The following KIF26B variants were observed in gnomAD, a reference collection of about 807,000 sequenced individuals.
The protein encoded by KIF26B is kinesin family member 26B.
In KIF26B, 63 loss-of-function variants were observed where a neutral mutation model predicts 151.2. That is an observed-to-expected ratio of 0.42 (90% CI 0.34 to 0.51). KIF26B has a LOEUF of 0.51. KIF26B is among the 20% of genes least tolerant of loss of function. KIF26B has a pLI of 0.07. For synonymous variants in KIF26B, 1,357 were observed against 1,262.1 expected (o/e 1.08, Z -1.59); for missense variants, 2,813 against 2,913.6 (o/e 0.97, Z 0.79).
intron 4 of KIF26B, among the ~76,000 whole-genome samples, chr1:245,465,647 G>A (rs1213565506): frequency 6.6e-6 from 1 of 152,202 alleles, no homozygotes; most frequent in African/African-American, 2.4e-5. Flanking sequence ...TGGGGTCCTG[G>A]CAGAAAGCGG....
chr1:245,612,278 T>G (rs2043536076), intron 9 of KIF26B, among the ~76,000 whole-genome samples: 1 of 151,970 alleles, frequency 6.6e-6, no homozygotes, highest in African/African-American at 2.4e-5. Flanking sequence ...ACCTAGCTAT[T>G]TATTTGGTTA....
intron 2 of KIF26B, among the ~76,000 whole-genome samples, chr1:245,232,741 G>A (rs2103555821): frequency 6.6e-6 from 1 of 152,154 alleles, no homozygotes; most frequent in South Asian, 2.1e-4. Flanking sequence ...GTAGAGACGG[G>A]GTTTCTCCAT....
chr1:245,578,321 C>T (rs952297190), intron 5 of KIF26B, among the ~76,000 whole-genome samples: 1 of 152,244 alleles, frequency 6.6e-6, no homozygotes, highest in Non-Finnish European at 1.5e-5. Flanking sequence ...GAATGGGACT[C>T]GTTCTCAGCC....
At chr1:245,628,711 C>T (rs547873342) in intron 9 of KIF26B, among the ~76,000 whole-genome samples, 12 of 152,188 alleles carry the variant, frequency 7.9e-5, no homozygotes, top group Admixed American at 2.6e-4. Flanking sequence ...TGCCCTCTCT[C>T]AGCACTCCTA....
At chr1:245,165,841 T>C (rs144513603) in intron 2 of KIF26B, among the ~76,000 whole-genome samples, 1 of 151,826 alleles carries the variant, frequency 6.6e-6, no homozygotes, top group Non-Finnish European at 1.5e-5. Flanking sequence ...AAGGAGGAGG[T>C]CATTGGATGT....
chr1:245,341,593 A>G (rs1044045893), intron 2 of KIF26B, among the ~76,000 whole-genome samples: 1 of 152,158 alleles, frequency 6.6e-6, no homozygotes, highest in African/African-American at 2.4e-5. Flanking sequence ...AAGTGCTGGG[A>G]TTCCAGGAGT....
chr1:245,156,159 A>G, intron 1 of KIF26B, 123 bp from the exon 2 acceptor site: 1 of 1,390,006 alleles, frequency 7.2e-7, no homozygotes, highest in Non-Finnish European at 9.4e-7. Context: ...GGGCTTGGAG[A>G]GGTCCCCAAC....
intron 5 of KIF26B, among the ~76,000 whole-genome samples, chr1:245,580,695 A>G (rs56825387): frequency 0.083 from 12,668 of 152,200 alleles, 627 homozygotes; most frequent in Middle Eastern, 0.15. Context: ...ACGGAGGAAA[A>G]TTGGCTCAGC....
Position 245,156,362 on chromosome 1 carries a change from G to C in KIF26B, c.144G>C (p.Ser48=). 6.5e-7 allele frequency: 1 copy of C among 1,544,570 alleles called. No individual in the cohort carries two copies. The highest frequency in any genetic ancestry group is 8.7e-7 in the Non-Finnish European group (1 of 1,144,832). Residue 48 remains serine, a synonymous_variant, in exon 2 of 15, where the codon TCG becomes TCC. Coordinates refer to ENST00000407071, the MANE Select transcript of KIF26B (RefSeq NM_018012.4). ...ESWYRKAYEE[S]RAGSRPTPEG... ...GGTACCGGAAAGCATACGAGGAGTC[G>C]CGCGCCGGCAGCCGGCCCACTCCTG...
chr1:245,555,122 C>T (rs2103112050), intron 5 of KIF26B, among the ~76,000 whole-genome samples: 1 of 152,240 alleles, frequency 6.6e-6, no homozygotes, highest in African/African-American at 2.4e-5. Context: ...GTTTCCTAGT[C>T]TTCTTTGAGA....
intron 5 of KIF26B, among the ~76,000 whole-genome samples, chr1:245,546,898 T>C (rs562634583): frequency 1.3e-5 from 2 of 152,370 alleles, no homozygotes; most frequent in South Asian, 2.1e-4. Flanking sequence ...GGGGTGGTGG[T>C]TGTTTTCCCT....
chr1:245,546,064 A>G (rs949203922), intron 5 of KIF26B, among the ~76,000 whole-genome samples: 1 of 152,226 alleles, frequency 6.6e-6, no homozygotes, highest in African/African-American at 2.4e-5. Flanking sequence ...GGTAGAAGTC[A>G]TTCAGTTACT....
At chr1:245,349,537 T>G (rs981438101) in intron 2 of KIF26B, among the ~76,000 whole-genome samples, 2 of 149,118 alleles carry the variant, frequency 1.3e-5, no homozygotes, top group Non-Finnish European at 2.9e-5. Context: ...TTAATGTTGA[T>G]TTGTTTAAGA....
chr1:245,369,193 GAGAGACAGAC>G (rs1190411749), intron 3 of KIF26B, among the ~76,000 whole-genome samples: 1 of 145,586 alleles, frequency 6.9e-6, no homozygotes, highest in African/African-American at 2.8e-5. Flanking sequence ...GAGAGAGAGA[GAGAGACAGAC>G]AGACAGACAG....
chr1:245,628,184 G>T (rs1004902710), intron 9 of KIF26B, among the ~76,000 whole-genome samples: 2 of 152,082 alleles, frequency 1.3e-5, no homozygotes, highest in Non-Finnish European at 2.9e-5. Flanking sequence ...ACAAGAAAAA[G>T]GAAACTTGGC....
At chr1:245,449,615 T>C (rs1313391750) in intron 4 of KIF26B, among the ~76,000 whole-genome samples, 9 of 152,186 alleles carry the variant, frequency 5.9e-5, no homozygotes, top group Admixed American at 5.9e-4. Flanking sequence ...CTGGGAAGTG[T>C]GTTCACCAAA....
intron 10 of KIF26B, among the ~76,000 whole-genome samples, chr1:245,669,159 T>C (rs1485070680): frequency 6.6e-6 from 1 of 152,208 alleles, no homozygotes; most frequent in Non-Finnish European, 1.5e-5. Context: ...CCCCAGCCAA[T>C]GACTGGTTAG....
At position 245,601,549 on chromosome 1, in the gene KIF26B, T is replaced by A. The variant is rs1008676020; in HGVS notation, c.1351-1028T>A. ...TTTAGAAATAATCCTTGTGCATACCTTCCGAAGTTGCCACATATTACTAAA... is the reference window on the plus strand; with the variant it reads ...TTTAGAAATAATCCTTGTGCATACCATCCGAAGTTGCCACATATTACTAAA... On this transcript the variant is annotated intron_variant, in intron 5 of 14. Transcript: ENST00000407071. This position sits in a 1 kb window ranked among gnomAD's most constrained non-coding sequence, Gnocchi z 4.4. 5.3e-5 allele frequency among the ~76,000 whole-genome samples: 8 copies of A among 152,198 alleles called. No homozygotes were observed. Among genetic ancestry groups the A allele is most frequent in the African/African-American group, 1.9e-4 (8 of 41,432 alleles).
chr1:245,684,312 G>A lies in KIF26B; in HGVS notation c.2338G>A (p.Ala780Thr), dbSNP rs367710087. The A allele has an allele frequency of 2.5e-6, 4 of 1,613,866 alleles. No individual in the cohort carries two copies. The African/African-American group carries it at 4.0e-5, about 16-fold the overall frequency. ...TACCACCATGATCGCGCACATCTCG[G>A]CCGCGGTCGGGAGCTACGCGGAGAC... ...CRTTMIAHIS[A>T]AVGSYAETLS... Residue 780 changes from alanine to threonine, a missense_variant, in exon 11 of 15, where the codon GCC becomes ACC. Coordinates refer to ENST00000407071, the MANE Select transcript of KIF26B (RefSeq NM_018012.4).
Sources: gnomAD v4.1 joint callset for allele counts (sites outside exome capture counted in the v4.1 genomes callset) on GRCh38, gnomAD v4.1.1 for gene constraint, Gnocchi (gnomAD v3.1) non-coding constraint, MANE v1.5 for transcripts, NCBI Gene and HGNC (gene_info 2026-07-23, HGNC 2026-07-21) for gene names.